Variants in FHIT observed in about 807,000 individuals in gnomAD.
The protein encoded by FHIT is fragile histidine triad diadenosine triphosphatase.
In FHIT, 19 loss-of-function variants were observed where a neutral mutation model predicts 17.9. The ratio of observed to expected loss-of-function variants is 1.06; its 90% confidence interval spans 0.74 to 1.56. The LOEUF (loss-of-function observed/expected upper bound fraction) is 1.56. Among genes scored for constraint, FHIT ranks in the 40% most tolerant of loss-of-function variants. The pLI, the probability that FHIT is intolerant of heterozygous loss-of-function variation, is 0.00. For missense variants in FHIT, 248 were observed against 189.2 expected, an observed-to-expected ratio of 1.31 and a Z score of -1.82; for synonymous variants, 81 against 69.7, an observed-to-expected ratio of 1.16 and a Z score of -0.81.
intron 5 of FHIT, among the ~76,000 whole-genome samples, chr3:60,195,837 G>C (rs982559018): frequency 1.4e-5 from 2 of 144,378 alleles, no homozygotes; most frequent in Admixed American, 1.4e-4. Context: ...GATATGCAAA[G>C]GCATACAGAA....
At chr3:59,997,672 T>C (rs2107491103) in intron 7 of FHIT, among the ~76,000 whole-genome samples, 1 of 152,302 alleles carries the variant, frequency 6.6e-6, no homozygotes, top group East Asian at 1.9e-4. Flanking sequence ...TGTTCACAAA[T>C]CAACTTATCA....
chr3:60,075,470 A>C (rs1172147940), intron 5 of FHIT, among the ~76,000 whole-genome samples: 2 of 152,166 alleles, frequency 1.3e-5, no homozygotes, highest in Non-Finnish European at 2.9e-5. Context: ...GAATCCAATT[A>C]AATTTAATTC....
chr3:59,803,054 G>A (rs747810779), intron 8 of FHIT, among the ~76,000 whole-genome samples: 19 of 152,084 alleles, frequency 1.2e-4, no homozygotes, highest in Non-Finnish European at 2.1e-4. Context: ...CTAGCTGAAT[G>A]GTGCATACAT....
intron 5 of FHIT, among the ~76,000 whole-genome samples, chr3:60,447,563 C>A (rs2107355135): frequency 6.6e-6 from 1 of 152,118 alleles, no homozygotes; most frequent in South Asian, 2.1e-4. Context: ...TTCAAATAAC[C>A]ATAAATCAGT....
chr3:60,250,112 C>T (rs567247032), intron 5 of FHIT, among the ~76,000 whole-genome samples: 2 of 150,654 alleles, frequency 1.3e-5, no homozygotes, highest in Admixed American at 6.6e-5. Flanking sequence ...CAGAGAAAAA[C>T]GTAGAGAGAA....
intron 5 of FHIT, among the ~76,000 whole-genome samples, chr3:60,370,484 A>C (rs760591915): frequency 5.3e-5 from 8 of 152,172 alleles, no homozygotes; most frequent in Non-Finnish European, 1.0e-4. Context: ...AAGAGTTTAA[A>C]TATTCATCTA....
chr3:60,449,280 T>C (rs370716), intron 5 of FHIT, among the ~76,000 whole-genome samples: 1 of 152,166 alleles, frequency 6.6e-6, no homozygotes, highest in Admixed American at 6.6e-5. Context: ...TCTAGCCTTT[T>C]GTGCCGAAAA....
At chr3:61,045,260 C>G (rs1487295796) in intron 2 of FHIT, among the ~76,000 whole-genome samples, 1 of 152,090 alleles carries the variant, frequency 6.6e-6, no homozygotes, top group Non-Finnish European at 1.5e-5. Flanking sequence ...GAGACACACA[C>G]AGGCTCAAAA....
chr3:60,005,335 G>A (rs1328207432), intron 7 of FHIT, among the ~76,000 whole-genome samples: 2 of 152,026 alleles, frequency 1.3e-5, no homozygotes, highest in Non-Finnish European at 2.9e-5. Flanking sequence ...TATCTACTTA[G>A]GAAAGGGCCT....
chr3:60,355,294 G>T (rs1285748465), intron 5 of FHIT, among the ~76,000 whole-genome samples: 1 of 152,148 alleles, frequency 6.6e-6, no homozygotes, highest in Non-Finnish European at 1.5e-5. Flanking sequence ...CATGGACTCA[G>T]AAAATTATTA....
At chr3:60,119,051 A>G (rs1705124811) in intron 5 of FHIT, among the ~76,000 whole-genome samples, 1 of 149,332 alleles carries the variant, frequency 6.7e-6, no homozygotes, top group Admixed American at 6.7e-5. Flanking sequence ...CNTCAGGGTC[A>G]TTACCCTATT....
chr3:60,652,639 G>T (rs1198080340), intron 4 of FHIT, among the ~76,000 whole-genome samples: 1 of 146,114 alleles, frequency 6.8e-6, no homozygotes, highest in Non-Finnish European at 1.5e-5. Flanking sequence ...TGAAGCAGGA[G>T]AATGGCGTGA....
intron 4 of FHIT, among the ~76,000 whole-genome samples, chr3:60,691,204 G>A (rs961730178): frequency 6.6e-5 from 10 of 151,972 alleles, no homozygotes; most frequent in African/African-American, 2.4e-4. Context: ...TGTTCTAATT[G>A]CTTCTGCCTC....
chr3:61,045,097 A>G (rs2033718403), intron 2 of FHIT, among the ~76,000 whole-genome samples: 1 of 152,232 alleles, frequency 6.6e-6, no homozygotes. Flanking sequence ...TAACCAGCTA[A>G]CATCAAAATG....
At chr3:61,198,629 G>A (rs776996364) in intron 2 of FHIT, among the ~76,000 whole-genome samples, 3 of 152,052 alleles carry the variant, frequency 2.0e-5, no homozygotes, top group Non-Finnish European at 4.4e-5. Flanking sequence ...CTATTAACTA[G>A]TAATTGATGA....
chr3:60,959,489 T>A (rs113991533), intron 3 of FHIT, among the ~76,000 whole-genome samples: 2 of 152,248 alleles, frequency 1.3e-5, no homozygotes, highest in African/African-American at 4.8e-5. Flanking sequence ...TTATATGTGG[T>A]TTCTGAACAC....
intron 5 of FHIT, among the ~76,000 whole-genome samples, chr3:60,508,410 A>G (rs983370117): frequency 9.2e-5 from 14 of 152,188 alleles, no homozygotes; most frequent in African/African-American, 3.1e-4. Context: ...CCATAATGGT[A>G]GGTAATTTCA....
At chr3:60,512,466 C>G (rs1031665937) in intron 5 of FHIT, among the ~76,000 whole-genome samples, 2 of 152,232 alleles carry the variant, frequency 1.3e-5, no homozygotes, top group African/African-American at 4.8e-5. Context: ...TCTACTCAGA[C>G]TGAACTCGAC....
chr3:60,456,595 C>G (rs1459024741), intron 5 of FHIT, among the ~76,000 whole-genome samples: 3 of 152,174 alleles, frequency 2.0e-5, no homozygotes, highest in Non-Finnish European at 1.5e-5. Flanking sequence ...AGCAGAGAAT[C>G]TTTTAACCCC....
Sources: allele counts gnomAD v4.1 joint callset (sites outside exome capture counted in the v4.1 genomes callset), GRCh38; gene constraint gnomAD v4.1.1; transcripts MANE v1.5; gene names NCBI Gene and HGNC (gene_info 2026-07-23, HGNC 2026-07-21).